Variants in CNTNAP2 observed in about 807,000 individuals in gnomAD.
CNTNAP2 encodes the protein contactin associated protein 2, also known as contactin-associated protein-like 2.
In CNTNAP2, 98 loss-of-function variants were observed where a neutral mutation model predicts 155.2. That is an observed-to-expected ratio of 0.63 (90% CI 0.54 to 0.75). CNTNAP2 has a LOEUF of 0.75. Among genes scored for constraint, CNTNAP2 ranks in the 30% least tolerant of loss-of-function variants. CNTNAP2 has a pLI of 0.00. For missense variants in CNTNAP2, 1,727 were observed against 1,688.1 expected, an observed-to-expected ratio of 1.02 and a Z score of -0.40; for synonymous variants, 651 against 631.2, an observed-to-expected ratio of 1.03 and a Z score of -0.47.
At chr7:148,369,742 G>A (rs868044368) in intron 21 of CNTNAP2, among the ~76,000 whole-genome samples, 3 of 151,642 alleles carry the variant, frequency 2.0e-5, no homozygotes, top group Middle Eastern at 3.5e-3. Context: ...GTAATAAGGG[G>A]TAAGCATTGC....
chr7:147,440,636 G>T (rs915676853), intron 10 of CNTNAP2, among the ~76,000 whole-genome samples: 2 of 152,046 alleles, frequency 1.3e-5, no homozygotes, highest in East Asian at 3.9e-4. Context: ...AGCATTTCTT[G>T]CAGGACAGAT....
rs542833130 is a variant in CNTNAP2, at chr7:146,284,892, C to G, written c.97+167919C>G. On this transcript the variant is annotated intron_variant, in intron 1 of 23. Transcript: ENST00000361727. Reference sequence around the variant, plus strand: ...GATTTCCCTTCCATTTCTCTGCTCCCTGCCTCCCACAGGCTATGACTATGC... The same window carrying G: ...GATTTCCCTTCCATTTCTCTGCTCCGTGCCTCCCACAGGCTATGACTATGC... Among the ~76,000 whole-genome samples the G allele has an allele frequency of 2.5e-3, 378 of 152,288 alleles. 2 individuals carry two copies. Among genetic ancestry groups the G allele is most frequent in the African/African-American group, 8.5e-3 (353 of 41,550 alleles).
chr7:147,251,626 T>C, intron 8 of CNTNAP2, among the ~76,000 whole-genome samples: 1 of 152,142 alleles, frequency 6.6e-6, no homozygotes, highest in East Asian at 1.9e-4. Context: ...AGTCTGACAT[T>C]ATGGAAAGAC....
chr7:146,845,889 C>A (rs1160969213), intron 3 of CNTNAP2, among the ~76,000 whole-genome samples: 1 of 152,108 alleles, frequency 6.6e-6, no homozygotes, highest in Non-Finnish European at 1.5e-5. Flanking sequence ...GCCTTGTGTC[C>A]AATGAGCCAT....
At chr7:146,986,017 C>G (rs1798109372) in intron 3 of CNTNAP2, among the ~76,000 whole-genome samples, 2 of 151,510 alleles carry the variant, frequency 1.3e-5, no homozygotes. Flanking sequence ...TTTTTTATTT[C>G]CATAGGTTAT....
At chr7:147,058,012 T>A (rs1799595328) in intron 4 of CNTNAP2, among the ~76,000 whole-genome samples, 1 of 152,216 alleles carries the variant, frequency 6.6e-6, no homozygotes, top group African/African-American at 2.4e-5. Context: ...TGAATTCTCA[T>A]ATCGTTTGTC....
At chr7:146,856,107 T>C (rs1054256208) in intron 3 of CNTNAP2, among the ~76,000 whole-genome samples, 1 of 151,826 alleles carries the variant, frequency 6.6e-6, no homozygotes, top group South Asian at 2.1e-4. Flanking sequence ...AAGAGCCAAC[T>C]TGAAATAATT....
chr7:148,020,209 C>T (rs572141429), intron 15 of CNTNAP2, among the ~76,000 whole-genome samples: 1 of 152,370 alleles, frequency 6.6e-6, no homozygotes, highest in South Asian at 2.1e-4. Context: ...CTGGATTACA[C>T]ACCTTTTGGA....
intron 15 of CNTNAP2, among the ~76,000 whole-genome samples, chr7:148,024,460 G>T (rs903312128): frequency 2.0e-5 from 3 of 152,108 alleles, no homozygotes; most frequent in Non-Finnish European, 4.4e-5. Context: ...CAGCCTTGGG[G>T]GCTTCCCTCA....
At chr7:148,276,389 G>A (rs1312488930) in intron 21 of CNTNAP2, among the ~76,000 whole-genome samples, 4 of 152,220 alleles carry the variant, frequency 2.6e-5, no homozygotes, top group Non-Finnish European at 5.9e-5. Context: ...GGAAGACAGT[G>A]CGAGACATGC....
intron 1 of CNTNAP2, among the ~76,000 whole-genome samples, chr7:146,456,897 G>A (rs567193202): frequency 1.3e-5 from 2 of 152,120 alleles, no homozygotes; most frequent in African/African-American, 2.4e-5. Flanking sequence ...AAAGAAATTG[G>A]TAGGAAAGAC....
At chr7:147,379,246 C>A (rs996620149) in intron 9 of CNTNAP2, among the ~76,000 whole-genome samples, 1 of 151,988 alleles carries the variant, frequency 6.6e-6, no homozygotes, top group Non-Finnish European at 1.5e-5. Context: ...ATATCTTATT[C>A]TTTTCTTGTA....
At chr7:148,106,272 A>T (rs1301558019) in intron 15 of CNTNAP2, among the ~76,000 whole-genome samples, 1 of 152,138 alleles carries the variant, frequency 6.6e-6, no homozygotes, top group Non-Finnish European at 1.5e-5. Context: ...TTCTTACTGG[A>T]CAGCTTTACC....
At chr7:146,958,579 A>G (rs565717416) in intron 3 of CNTNAP2, among the ~76,000 whole-genome samples, 54 of 151,594 alleles carry the variant, frequency 3.6e-4, no homozygotes, top group Non-Finnish European at 1.6e-4. Context: ...ACGCCCGGCT[A>G]ATTTTTTGTA....
chr7:147,330,358 T>C (rs1446620934), intron 9 of CNTNAP2, among the ~76,000 whole-genome samples: 2 of 152,138 alleles, frequency 1.3e-5, no homozygotes, highest in Non-Finnish European at 2.9e-5. Flanking sequence ...TACCTGTTCC[T>C]GAATGTGTCC....
intron 9 of CNTNAP2, among the ~76,000 whole-genome samples, chr7:147,336,308 T>C (rs892851957): frequency 2.6e-5 from 4 of 152,106 alleles, no homozygotes; most frequent in Non-Finnish European, 5.9e-5. Context: ...TTTCCAACCT[T>C]AGAGTTTTGC....
At chr7:147,779,582 G>A (rs74731460) in intron 13 of CNTNAP2, among the ~76,000 whole-genome samples, 3,172 of 152,064 alleles carry the variant, frequency 0.021, 93 homozygotes, top group African/African-American at 0.073. Flanking sequence ...TAGCAATCCC[G>A]AAGTGCAGGA....
At chr7:146,666,423 G>A (rs1054026536) in intron 1 of CNTNAP2, among the ~76,000 whole-genome samples, 22 of 152,030 alleles carry the variant, frequency 1.4e-4, no homozygotes, top group African/African-American at 4.6e-4. Flanking sequence ...AGTTGATTCC[G>A]TATCTTGGCC....
chr7:146,775,101 G>T (rs1472838957), intron 2 of CNTNAP2, among the ~76,000 whole-genome samples: 2 of 152,212 alleles, frequency 1.3e-5, no homozygotes, highest in Non-Finnish European at 1.5e-5. Flanking sequence ...TCAACAAACA[G>T]AGACCATGAT....
Sources: allele counts gnomAD v4.1 joint callset (sites outside exome capture counted in the v4.1 genomes callset), GRCh38; gene constraint gnomAD v4.1.1; transcripts MANE v1.5; gene names NCBI Gene and HGNC (gene_info 2026-07-23, HGNC 2026-07-21).